The following TJP1 variants were observed in gnomAD, a reference collection of about 807,000 sequenced individuals.
The protein encoded by TJP1 is tight junction protein ZO-1.
A neutral mutation model predicts 194.2 loss-of-function variants in TJP1; 43 were observed. The ratio of observed to expected loss-of-function variants is 0.22; its 90% CI spans 0.17 to 0.29. The LOEUF (loss-of-function observed/expected upper bound fraction) is 0.29. TJP1 is among the 10% of genes least tolerant of loss of function. The probability of loss-of-function intolerance (pLI) is 1.00; values close to 1 mark genes in which losing one functional copy is unlikely to be tolerated. For synonymous variants in TJP1, 801 were observed against 779.0 expected (o/e 1.03, Z -0.47); for missense variants, 1,971 against 2,185.7 (o/e 0.90, Z 1.96).
intron 2 of TJP1, among the ~76,000 whole-genome samples, chr15:29,896,382 G>A (rs951810129): frequency 2.0e-5 from 3 of 152,124 alleles, no homozygotes; most frequent in Non-Finnish European, 4.4e-5. Context: ...CTCCATGATT[G>A]TGAGGCCTCC....
At chr15:29,822,583 G>C, upstream of TJP1, 3 of 645,338 alleles carry the variant, frequency 4.6e-6, no homozygotes, top group East Asian at 1.4e-4. Context: ...GAGGGGGCGG[G>C]ACGAGCGGCC....
chr15:29,863,402 C>T (rs1034917584), intron 2 of TJP1, among the ~76,000 whole-genome samples: 8 of 152,138 alleles, frequency 5.3e-5, no homozygotes, highest in Admixed American at 2.6e-4. Context: ...AAGGTCATGA[C>T]AAGAGCCTAA....
chr15:29,757,897 T>A (rs2045749851), intron 8 of TJP1, among the ~76,000 whole-genome samples: 1 of 152,146 alleles, frequency 6.6e-6, no homozygotes, highest in Non-Finnish European at 1.5e-5. Flanking sequence ...CTGCCACCCA[T>A]GATACAGAAA....
At chr15:29,903,740 G>C (rs964028776) in intron 2 of TJP1, among the ~76,000 whole-genome samples, 1 of 152,168 alleles carries the variant, frequency 6.6e-6, no homozygotes, top group Non-Finnish European at 1.5e-5. Flanking sequence ...TACCACGCCC[G>C]GCCCAAGTTG....
At chr15:29,832,921 A>T (rs2050883364) in intron 2 of TJP1, among the ~76,000 whole-genome samples, 1 of 152,198 alleles carries the variant, frequency 6.6e-6, no homozygotes, top group African/African-American at 2.4e-5. Flanking sequence ...GAGAACACAC[A>T]TCCCTGTGAG....
At chr15:29,704,062 T>G (rs999801513) in intron 27 of TJP1, 100 bp downstream of exon 27, 5 of 1,294,494 alleles carry the variant, frequency 3.9e-6, no homozygotes, top group South Asian at 1.5e-5. Flanking sequence ...GGAACAGAGA[T>G]AGAGATTTGC....
At position 29,700,554 on chromosome 15, in the gene TJP1, T is replaced by C; in HGVS notation, c.*1041A>G. 2.5e-6 allele frequency: 1 copy of C among 398,284 alleles called. No homozygotes were observed. 24.7% of individuals were successfully genotyped at this position (398,284 alleles called of 1,614,324 possible). ...TACAGGAGAGAATACAAAGGTAGCC[T>C]TTAGAAACGTGGTCTTGTTTATGTA... On this transcript the variant is annotated 3_prime_UTR_variant, in exon 28 of 28. Transcript: ENST00000614355.
At chr15:29,716,516 A>G (rs577127990) in intron 23 of TJP1, 95 bp downstream of exon 23, 5 of 915,258 alleles carry the variant, frequency 5.5e-6, no homozygotes, top group East Asian at 2.6e-5. Flanking sequence ...CAGAAATCAT[A>G]TATTACACTT....
intron 2 of TJP1, among the ~76,000 whole-genome samples, chr15:29,951,364 T>C (rs1022473217): frequency 5.3e-5 from 8 of 151,984 alleles, no homozygotes. Flanking sequence ...GACAGGGTTT[T>C]ACCAGGTTGA....
At chr15:29,732,195 T>C in intron 15 of TJP1, 1 of 519,302 alleles carries the variant, frequency 1.9e-6, no homozygotes, top group Non-Finnish European at 3.4e-6. Context: ...TGACATTGTA[T>C]GTTATGCAAT....
chr15:29,822,125 C>G lies in TJP1; in HGVS notation c.-97G>C. On this transcript the variant is annotated 5_prime_UTR_variant, in exon 1 of 28. Coordinates refer to ENST00000614355, the MANE Select transcript of TJP1 (RefSeq NM_001330239.4). ...ACGCCACAGCCCAAATAAACATCTCCCGAGAGCGAGCGGGGCACGGGCGGG... is the reference window on the plus strand; with the variant it reads ...ACGCCACAGCCCAAATAAACATCTCGCGAGAGCGAGCGGGGCACGGGCGGG... 1 of 1,205,132 alleles carries G rather than the reference C, an allele frequency of 8.3e-7. No homozygotes were observed. Among genetic ancestry groups the G allele is most frequent in the Non-Finnish European group, 1.0e-6 (1 of 968,910 alleles). The allele number at this position is 1,205,132 out of a possible 1,614,324, so 74.7% of individuals were successfully genotyped here.
In TJP1 at chr15:29,734,377, G is replaced by C; in HGVS notation, c.1413C>G (p.Asn471Lys). Residue 471 changes from asparagine to lysine, a missense_variant, in exon 12 of 28, where the codon AAC becomes AAG. Around this residue, in one of 5 missense-constraint regions of TJP1, gnomAD observed 402 missense variants for 484.2 expected, o/e 0.83. Coordinates refer to ENST00000614355, the MANE Select transcript of TJP1 (RefSeq NM_001330239.4). ...LEEGDQILRV[N>K]NVDFTNIIRE... ...TTATGATATTTGTAAAATCTACGTT[G>C]TTTACCTAATAAATAAGATTTCATA... 6.2e-7 allele frequency: 1 copy of C among 1,605,654 alleles called. No individual in the cohort carries two copies. The highest frequency in any genetic ancestry group is 2.2e-5 in the East Asian group (1 of 44,692).
At chr15:29,726,757 G>C in intron 17 of TJP1, 24 bp downstream of exon 17, 1 of 1,604,930 alleles carries the variant, frequency 6.2e-7, no homozygotes, top group African/African-American at 1.3e-5. Context: ...TAAGCTGAAA[G>C]AAGGCCTTTA....
chr15:29,904,713 C>T (rs1306812216), intron 2 of TJP1, among the ~76,000 whole-genome samples: 1 of 152,126 alleles, frequency 6.6e-6, no homozygotes, highest in Non-Finnish European at 1.5e-5. Flanking sequence ...GAACAGTATT[C>T]CTCAAAATTC....
intron 2 of TJP1, among the ~76,000 whole-genome samples, chr15:29,936,797 G>A (rs578003860): frequency 2.0e-4 from 30 of 152,204 alleles, no homozygotes; most frequent in South Asian, 1.0e-3. Flanking sequence ...CTTACAGACC[G>A]CTCTACTGGG....
At chr15:29,758,118 C>G (rs561866040) in intron 8 of TJP1, among the ~76,000 whole-genome samples, 47 of 152,232 alleles carry the variant, frequency 3.1e-4, no homozygotes, top group African/African-American at 1.1e-3. Flanking sequence ...AACCTACAAA[C>G]TTTGTACTGT....
At chr15:29,767,122 C>T (rs2046376339) in intron 4 of TJP1, among the ~76,000 whole-genome samples, 2 of 152,226 alleles carry the variant, frequency 1.3e-5, no homozygotes, top group Non-Finnish European at 2.9e-5. Flanking sequence ...TCAATTTGTA[C>T]TCCCAGTCTA....
intron 10 of TJP1, 52 bp from the exon 11 acceptor site, chr15:29,737,466 A>G (rs1566928809): frequency 6.3e-7 from 1 of 1,598,886 alleles, no homozygotes. Context: ...TTAAAACGTT[A>G]TAGCAATCAC....
chr15:29,799,117 T>A (rs1048334525), intron 2 of TJP1, among the ~76,000 whole-genome samples: 5 of 152,170 alleles, frequency 3.3e-5, no homozygotes, highest in Non-Finnish European at 7.3e-5. Flanking sequence ...ACTGTAAGGG[T>A]CAATTTCACT....
Sources: allele counts gnomAD v4.1 joint callset (sites outside exome capture counted in the v4.1 genomes callset), GRCh38; gene constraint gnomAD v4.1.1; regional missense constraint gnomAD v4.1.1; transcripts MANE v1.5; gene names NCBI Gene and HGNC (gene_info 2026-07-23, HGNC 2026-07-21).